Variants in PODN observed in about 807,000 individuals in gnomAD.
The protein encoded by PODN is podocan, also known as podocan proteoglycan.
PODN carries 40 observed loss-of-function variants against 52.7 expected under a neutral mutation model. That is an observed-to-expected ratio of 0.76 (90% CI 0.59 to 0.99). The LOEUF (loss-of-function observed/expected upper bound fraction) is 0.99, where lower values mean the gene tolerates loss of function less well. Ranked by LOEUF, PODN falls within the 50% of genes least tolerant of loss-of-function variation. PODN has a pLI of 0.00. For missense variants in PODN, 720 were observed against 815.1 expected (o/e 0.88, Z 1.42); for synonymous variants, 396 against 377.9 (o/e 1.05, Z -0.56).
chr1:53,084,039 AAG>A (rs934677910), intron 10 of PODN, among the ~76,000 whole-genome samples: 31 of 152,086 alleles, frequency 2.0e-4, no homozygotes, highest in Middle Eastern at 3.4e-3. Context: ...ATGGTGAGAG[AAG>A]AGTGTGCACA....
chr1:53,066,045 G>A (rs774965799), intron 1 of PODN, among the ~76,000 whole-genome samples: 52 of 141,176 alleles, frequency 3.7e-4, no homozygotes, highest in Admixed American at 6.6e-4. Flanking sequence ...ACCCAGGCTA[G>A]AGTGTAGGGG....
chr1:53,081,896 T>C (rs1048248545), intron 9 of PODN, 85 bp from the exon 10 acceptor site: 17 of 1,509,982 alleles, frequency 1.1e-5, no homozygotes, highest in Admixed American at 6.7e-5. Context: ...CCCTCCCCTG[T>C]TACCTTCTGG....
intron 1 of PODN, chr1:53,063,544 C>T (rs1445176907): frequency 3.0e-6 from 3 of 985,436 alleles, no homozygotes; most frequent in East Asian, 1.1e-4. Flanking sequence ...GATCTGCAGG[C>T]GCACAGCATT....
In PODN at chr1:53,077,790, G is replaced by A. The variant is rs775065776; in HGVS notation, c.844G>A (p.Glu282Lys). ...CCTGACTGACGAGGGCCTGGACAAC[G>A]AGACCTTCTGGTGAGTCCTTGTCTC... ...NYLTDEGLDN[E>K]TFWKLSSLEY... Residue 282 changes from glutamate (E) to lysine (K), a missense_variant, in exon 7 of 11, where the codon GAG becomes AAG. Glu to Lys is a moderately conservative substitution (Grantham distance 56). Transcript: ENST00000312553. 3.2e-5 allele frequency: 52 copies of A among 1,613,186 alleles called. No individual in the cohort carries two copies. In the Admixed American group the frequency reaches 4.5e-4, roughly 14 times the overall value.
intron 8 of PODN, among the ~76,000 whole-genome samples, chr1:53,080,188 G>C (rs1314068463): frequency 6.6e-6 from 1 of 152,112 alleles, no homozygotes; most frequent in Non-Finnish European, 1.5e-5. Flanking sequence ...CTGTTGTGCT[G>C]GGGTCACTGT....
Position 53,078,680 on chromosome 1 carries a change from C to T in PODN, c.1170C>T (p.Asn390=). 1 of 1,613,316 alleles carries T rather than the reference C, an allele frequency of 6.2e-7. No homozygotes were observed. Residue 390 remains asparagine, a synonymous_variant, in exon 8 of 11, where the codon AAC becomes AAT. Coordinates refer to ENST00000312553, the MANE Select transcript of PODN (RefSeq NM_153703.5). ...TGCGCACCCTCATGATCCTGCACAACCAGATCACAGGCATTGGCCGCGAAG... is the reference window on the plus strand; with the variant it reads ...TGCGCACCCTCATGATCCTGCACAATCAGATCACAGGCATTGGCCGCGAAG... ...RRVRTLMILH[N]QITGIGREDF... is the part of the protein sequence containing the mutation.
At chr1:53,074,454 T>G (rs1644163643) in intron 3 of PODN, 152 bp from the exon 4 acceptor site, 2 of 799,182 alleles carry the variant, frequency 2.5e-6, no homozygotes, top group Non-Finnish European at 4.2e-6. Context: ...AGAACAGGGC[T>G]GGGCAGGCCC....
intron 1 of PODN, among the ~76,000 whole-genome samples, chr1:53,065,153 G>A (rs911786179): frequency 5.9e-5 from 9 of 152,196 alleles, no homozygotes; most frequent in African/African-American, 2.2e-4. Context: ...AGAAGTTCAA[G>A]AACAGCCTGG....
chr1:53,069,675 G>T, intron 1 of PODN, 126 bp from the exon 2 acceptor site: 3 of 1,364,604 alleles, frequency 2.2e-6, no homozygotes, highest in Non-Finnish European at 2.9e-6. Context: ...GGTTGGGCAG[G>T]TGCGGAGGGC....
intron 1 of PODN, among the ~76,000 whole-genome samples, chr1:53,062,677 G>A (rs1441841951): frequency 6.6e-6 from 1 of 152,200 alleles, no homozygotes; most frequent in African/African-American, 2.4e-5. Context: ...CTGCGTAGGG[G>A]CGGGGACCCC....
chr1:53,067,219 G>A (rs951855153), intron 1 of PODN, among the ~76,000 whole-genome samples: 1 of 151,998 alleles, frequency 6.6e-6, no homozygotes, highest in Non-Finnish European at 1.5e-5. Context: ...TTTCTCTGCC[G>A]GGCCAGTGGC....
intron 3 of PODN, among the ~76,000 whole-genome samples, chr1:53,074,191 G>T (rs941395340): frequency 6.6e-6 from 1 of 152,238 alleles, no homozygotes; most frequent in African/African-American, 2.4e-5. Flanking sequence ...CAGGTGGTGA[G>T]GAGGCCCAGA....
chr1:53,082,710 C>T (rs944472447), intron 10 of PODN, among the ~76,000 whole-genome samples: 32 of 152,220 alleles, frequency 2.1e-4, no homozygotes, highest in African/African-American at 7.5e-4. Context: ...CACCAACACA[C>T]ATACATTCAT....
rs558571458 is a variant in PODN at position 53,063,865 on chromosome 1, C to T, written c.-56+1557C>T. Among the ~76,000 whole-genome samples, 8 of 152,294 alleles carry T rather than the reference C, an allele frequency of 5.3e-5. No homozygotes were observed. In the South Asian group the frequency reaches 1.0e-3, roughly 20 times the overall value. On this transcript the variant is annotated intron_variant, in intron 1 of 10. Coordinates refer to ENST00000312553, the MANE Select transcript of PODN (RefSeq NM_153703.5). ...ACCCTTAATGAGTCCCTATCACCAA[C>T]ACTAGCATGGCGGTGGAGGCCCTTG... is the stretch of plus-strand genomic sequence containing the variant.
At chr1:53,075,208 C>T (rs898192265) in intron 4 of PODN, among the ~76,000 whole-genome samples, 10 of 152,208 alleles carry the variant, frequency 6.6e-5, no homozygotes, top group Admixed American at 6.5e-4. Context: ...CCAACTCTTT[C>T]TGCTCCTTGG....
At chr1:53,062,651 TG>T (rs1332531501) in intron 1 of PODN, among the ~76,000 whole-genome samples, 4 of 151,648 alleles carry the variant, frequency 2.6e-5, no homozygotes, top group Admixed American at 6.5e-5. Context: ...ACAGGGAATG[TG>T]GGGGGCAGGT....
In PODN at chr1:53,075,939, T is replaced by C. The variant is rs747651829; in HGVS notation, c.549T>C (p.Tyr183=). 12 of 1,602,262 alleles carry C rather than the reference T, an allele frequency of 7.5e-6. No homozygotes were observed. Among genetic ancestry groups the C allele is most frequent in the Admixed American group, 6.8e-5 (4 of 59,054 alleles). ...CTGCCAACTATCTCACCAAGATCTA[T>C]GGGCTCACCTTTGGCCAGAAGCCAA... The part of the protein sequence containing the change: ...DFAANYLTKI[Y]GLTFGQKPNL... The change falls in exon 5 of 11, where the codon TAT becomes TAC. Residue 183 remains tyrosine, a synonymous_variant. Transcript: ENST00000312553.
intron 5 of PODN, among the ~76,000 whole-genome samples, chr1:53,076,675 T>C (rs2150301718): frequency 6.6e-6 from 1 of 151,204 alleles, no homozygotes; most frequent in South Asian, 2.1e-4. Context: ...TATATATGCA[T>C]ATATCTCTAT....
intron 10 of PODN, among the ~76,000 whole-genome samples, chr1:53,083,928 G>A (rs1479435635): frequency 6.6e-6 from 1 of 152,172 alleles, no homozygotes. Flanking sequence ...CCACTGTTGA[G>A]TGTTGACTGA....
Sources: gnomAD v4.1 joint callset for allele counts (sites outside exome capture counted in the v4.1 genomes callset) on GRCh38, gnomAD v4.1.1 for gene constraint, MANE v1.5 for transcripts, NCBI Gene and HGNC (gene_info 2026-07-23, HGNC 2026-07-21) for gene names.